Variants in QTGAL observed in about 807,000 individuals in gnomAD.
QTGAL encodes the protein BGnT-like protein 1.
At chr17:82,961,093 C>T in the QTGAL span, 18 of 1,610,214 alleles carry the variant, frequency 1.1e-5, no homozygotes, top group Non-Finnish European at 1.4e-5. Flanking sequence ...TGGGTGGTGG[C>T]GATACAGCAG....
the QTGAL span, among the ~76,000 whole-genome samples, chr17:83,015,624 C>T: frequency 6.6e-6 from 1 of 152,188 alleles, no homozygotes; most frequent in Non-Finnish European, 1.5e-5. This position sits in a 1 kb window ranked among gnomAD's most constrained non-coding sequence, Gnocchi z 4.4. Flanking sequence ...GTCCCAATTC[C>T]CGGGGAAGCG....
chr17:82,971,272 T>C, the QTGAL span, among the ~76,000 whole-genome samples: 75,883 of 152,058 alleles, frequency 0.5, 19,595 homozygotes, highest in African/African-American at 0.63. Flanking sequence ...GTGACAACGA[T>C]CCAGAAACAA....
the QTGAL span, among the ~76,000 whole-genome samples, chr17:82,956,168 A>T: frequency 2.0e-5 from 3 of 150,048 alleles, no homozygotes; most frequent in Admixed American, 1.3e-4. The surrounding 1 kb of genome is among the most constrained non-coding windows in gnomAD (Gnocchi z 5.7). Flanking sequence ...AGTAAAATTA[A>T]AAAAAAAAAC....
the QTGAL span, among the ~76,000 whole-genome samples, chr17:83,022,073 A>C: frequency 6.6e-6 from 1 of 152,258 alleles, no homozygotes; most frequent in African/African-American, 2.4e-5. Context: ...TCAATGTAAA[A>C]GATAAAAATA....
chr17:83,039,811 C>T, the QTGAL span, among the ~76,000 whole-genome samples: 1 of 152,228 alleles, frequency 6.6e-6, no homozygotes. Context: ...ACTCCTGCGT[C>T]TTCTGAGCCC....
At chr17:82,961,545 C>T in the QTGAL span, among the ~76,000 whole-genome samples, 21 of 152,304 alleles carry the variant, frequency 1.4e-4, no homozygotes, top group African/African-American at 4.8e-4. Context: ...GTCCGGCCTC[C>T]GTCCCCATCC....
chr17:82,978,020 C>T, the QTGAL span, among the ~76,000 whole-genome samples: 1 of 152,192 alleles, frequency 6.6e-6, no homozygotes, highest in Non-Finnish European at 1.5e-5. The surrounding 1 kb of genome is among the most constrained non-coding windows in gnomAD (Gnocchi z 4.8). Context: ...GGGTGGTCAC[C>T]ATGCGACCCG....
the QTGAL span, among the ~76,000 whole-genome samples, chr17:82,988,846 GA>G: frequency 1.3e-5 from 2 of 152,138 alleles, no homozygotes; most frequent in African/African-American, 4.8e-5. Context: ...TAAAAATCAA[GA>G]AACAACAGAT....
chr17:83,013,931 T>C, the QTGAL span, among the ~76,000 whole-genome samples: 2 of 152,114 alleles, frequency 1.3e-5, no homozygotes, highest in Non-Finnish European at 2.9e-5. Context: ...CAGGGATCCC[T>C]GGGCCATGTG....
At chr17:83,026,609 G>A in the QTGAL span, among the ~76,000 whole-genome samples, 5 of 150,144 alleles carry the variant, frequency 3.3e-5, no homozygotes, top group African/African-American at 9.9e-5. Flanking sequence ...ACCCACCATC[G>A]ACCGATACAC....
At chr17:82,951,299 G>A in the QTGAL span, among the ~76,000 whole-genome samples, 1 of 152,218 alleles carries the variant, frequency 6.6e-6, no homozygotes, top group African/African-American at 2.4e-5. Context: ...TGGAGAGCCT[G>A]CTGCCTCACC....
chr17:82,974,135 G>A, the QTGAL span, among the ~76,000 whole-genome samples: 4 of 152,194 alleles, frequency 2.6e-5, no homozygotes, highest in African/African-American at 9.7e-5. Flanking sequence ...AGTCTGAGCC[G>A]GTTCCAGGCT....
chr17:82,950,017 A>C, the QTGAL span: 4 of 152,158 alleles, frequency 2.6e-5, no homozygotes, highest in Non-Finnish European at 5.9e-5. Context: ...AATTTCCCTG[A>C]ATAGAAAAGT....
At chr17:83,029,079 C>T in the QTGAL span, among the ~76,000 whole-genome samples, 5 of 152,308 alleles carry the variant, frequency 3.3e-5, no homozygotes, top group East Asian at 5.8e-4. Flanking sequence ...GGACCGGAGC[C>T]GGGAGCATGC....
At chr17:83,014,801 G>T in the QTGAL span, among the ~76,000 whole-genome samples, 1 of 152,246 alleles carries the variant, frequency 6.6e-6, no homozygotes, top group African/African-American at 2.4e-5. Context: ...AGCAAAACAG[G>T]CAAGGGCCTT....
chr17:82,982,939 G>C, the QTGAL span, among the ~76,000 whole-genome samples: 3 of 152,104 alleles, frequency 2.0e-5, no homozygotes, highest in Non-Finnish European at 4.4e-5. Flanking sequence ...GCAGCTGGGG[G>C]TGGAGGAGAT....
chr17:82,943,874 C>T, the QTGAL span: 26,743 of 152,282 alleles, frequency 0.18, 2,730 homozygotes, highest in Admixed American at 0.24. Context: ...GCTGGGGTCA[C>T]GTGGTGAGGG....
chr17:83,012,627 C>T, the QTGAL span, among the ~76,000 whole-genome samples: 1 of 152,192 alleles, frequency 6.6e-6, no homozygotes, highest in Non-Finnish European at 1.5e-5. Flanking sequence ...GCAAAGGGAG[C>T]CGTTGGGCAG....
At chr17:82,965,752 A>G in the QTGAL span, 1 of 1,608,542 alleles carries the variant, frequency 6.2e-7, no homozygotes, top group Non-Finnish European at 8.5e-7. Context: ...AAAACCTAGA[A>G]GCAATTAACG....
Sources: gnomAD v4.1 joint callset for allele counts (sites outside exome capture counted in the v4.1 genomes callset) on GRCh38, gnomAD v4.1.1 for gene constraint, Gnocchi (gnomAD v3.1) non-coding constraint, MANE v1.5 for transcripts, NCBI Gene and HGNC (gene_info 2026-07-23, HGNC 2026-07-21) for gene names.